ZBTB20: variants seen among roughly 807,000 people sequenced by gnomAD.
ZBTB20 encodes the protein zinc finger and BTB domain containing 20, also known as zinc finger and BTB domain-containing protein 20.
ZBTB20 carries 9 observed loss-of-function variants against 56.9 expected under a neutral mutation model. That is an observed-to-expected ratio of 0.16 (90% CI 0.10 to 0.28). The LOEUF is 0.28. Among genes scored for constraint, ZBTB20 ranks in the 10% least tolerant of loss-of-function variants. The pLI is 1.00. For missense variants in ZBTB20, 655 were observed against 1,003.0 expected (o/e 0.65, Z 4.69); for synonymous variants, 417 against 420.7 (o/e 0.99, Z 0.11).
intron 4 of ZBTB20, among the ~76,000 whole-genome samples, chr3:114,872,159 G>T (rs1318371618): frequency 6.6e-6 from 1 of 152,104 alleles, no homozygotes; most frequent in South Asian, 2.1e-4. Context: ...ATATCCTGTT[G>T]CTTTAAAATT....
intron 4 of ZBTB20, among the ~76,000 whole-genome samples, chr3:114,883,231 T>C (rs1200279680): frequency 6.6e-6 from 1 of 152,232 alleles, no homozygotes; most frequent in Non-Finnish European, 1.5e-5. Flanking sequence ...GTATGTAGAC[T>C]GTAGCCATGT....
At chr3:114,661,362 T>G (rs1477864965) in intron 6 of ZBTB20, among the ~76,000 whole-genome samples, 1 of 152,106 alleles carries the variant, frequency 6.6e-6, no homozygotes, top group Non-Finnish European at 1.5e-5. Flanking sequence ...AGATGTGATT[T>G]TTGGAGATGT....
At chr3:114,511,100 T>TAAAAAA (rs63221060) in intron 6 of ZBTB20, among the ~76,000 whole-genome samples, 1 of 129,350 alleles carries the variant, frequency 7.7e-6, no homozygotes. Context: ...GTCCACATGC[T>TAAAAAA]AAAAAAAAAA....
intron 8 of ZBTB20, chr3:114,388,078 G>A (rs1463495252): frequency 6.6e-6 from 1 of 152,190 alleles, no homozygotes; most frequent in African/African-American, 2.4e-5. Flanking sequence ...AAGCCTAAGA[G>A]GGATGTTAGT....
chr3:114,539,407 T>A (rs182596931), intron 6 of ZBTB20, among the ~76,000 whole-genome samples: 1 of 152,294 alleles, frequency 6.6e-6, no homozygotes, highest in East Asian at 1.9e-4. Flanking sequence ...GACATTTGTA[T>A]AGCAGTGTAA....
chr3:115,047,337 CT>C (rs1405630724), intron 2 of ZBTB20, among the ~76,000 whole-genome samples: 1 of 152,162 alleles, frequency 6.6e-6, no homozygotes, highest in East Asian at 1.9e-4. Context: ...AGACAACATA[CT>C]TGGAACCAGA....
chr3:114,507,457 T>G (rs1156895767), intron 6 of ZBTB20, among the ~76,000 whole-genome samples: 2 of 152,168 alleles, frequency 1.3e-5, no homozygotes, highest in Non-Finnish European at 2.9e-5. Flanking sequence ...CTTTATGGTT[T>G]TTTGACTATA....
At chr3:114,635,110 T>C (rs921153158) in intron 6 of ZBTB20, among the ~76,000 whole-genome samples, 2 of 152,188 alleles carry the variant, frequency 1.3e-5, no homozygotes, top group African/African-American at 4.8e-5. Context: ...GTGCGACCAT[T>C]AGAACTTGGT....
At chr3:114,864,437 T>C (rs1454742018) in intron 4 of ZBTB20, among the ~76,000 whole-genome samples, 5 of 152,040 alleles carry the variant, frequency 3.3e-5, no homozygotes, top group Non-Finnish European at 5.9e-5. Flanking sequence ...TCCCTCCTGG[T>C]CTCCTATTTC....
At chr3:114,503,435 C>T (rs1177109304) in intron 6 of ZBTB20, among the ~76,000 whole-genome samples, 2 of 152,140 alleles carry the variant, frequency 1.3e-5, no homozygotes, top group African/African-American at 2.4e-5. Flanking sequence ...TTATAATCTG[C>T]TATGTAATTC....
chr3:114,542,604 A>T (rs1320664343), intron 6 of ZBTB20, among the ~76,000 whole-genome samples: 1 of 152,188 alleles, frequency 6.6e-6, no homozygotes, highest in African/African-American at 2.4e-5. Flanking sequence ...ATTTGAAAGC[A>T]GCTAAGTTAC....
intron 4 of ZBTB20, among the ~76,000 whole-genome samples, chr3:114,856,968 C>G (rs971134645): frequency 3.9e-5 from 6 of 151,980 alleles, no homozygotes; most frequent in African/African-American, 1.5e-4. Context: ...TAATATCTGC[C>G]CTGAATTTCT....
At chr3:115,025,965 A>G (rs556148745) in intron 2 of ZBTB20, among the ~76,000 whole-genome samples, 39 of 150,994 alleles carry the variant, frequency 2.6e-4, no homozygotes, top group Non-Finnish European at 5.5e-4. Context: ...AATGCCTAAC[A>G]CAAAGTAACT....
chr3:115,140,853 T>A (rs917884295), intron 1 of ZBTB20, among the ~76,000 whole-genome samples: 1 of 152,112 alleles, frequency 6.6e-6, no homozygotes, highest in African/African-American at 2.4e-5. Context: ...ATTGGTACAC[T>A]CAACTCTCTA....
At chr3:114,594,897 A>C (rs993241540) in intron 6 of ZBTB20, among the ~76,000 whole-genome samples, 4 of 152,260 alleles carry the variant, frequency 2.6e-5, no homozygotes, top group African/African-American at 9.6e-5. Flanking sequence ...AGATAGGGGC[A>C]GGAGAGCATT....
At chr3:114,510,204 A>G (rs541514848) in intron 6 of ZBTB20, among the ~76,000 whole-genome samples, 1 of 152,268 alleles carries the variant, frequency 6.6e-6, no homozygotes, top group African/African-American at 2.4e-5. Flanking sequence ...AAAGTACCAG[A>G]TTTGCCAGGT....
At chr3:115,087,195 G>T (rs973757943) in intron 1 of ZBTB20, among the ~76,000 whole-genome samples, 3 of 151,730 alleles carry the variant, frequency 2.0e-5, no homozygotes. Context: ...TTTAGCTTAT[G>T]TTCATTTCAA....
chr3:114,586,989 CTTTTTTTTTT>C (rs1195918426), intron 6 of ZBTB20, among the ~76,000 whole-genome samples: 7 of 76,976 alleles, frequency 9.1e-5, no homozygotes, highest in Admixed American at 7.4e-4. Flanking sequence ...GTATAACTCC[CTTTTTTTTTT>C]TTTTTTTTTT....
At chr3:114,826,499 C>G (rs916408774) in intron 4 of ZBTB20, among the ~76,000 whole-genome samples, 8 of 151,666 alleles carry the variant, frequency 5.3e-5, no homozygotes, top group African/African-American at 1.9e-4. Context: ...ATTCATTCAC[C>G]GAATCCTTCC....
Sources: allele counts gnomAD v4.1 joint callset (sites outside exome capture counted in the v4.1 genomes callset), GRCh38; gene constraint gnomAD v4.1.1; transcripts MANE v1.5; gene names NCBI Gene and HGNC (gene_info 2026-07-23, HGNC 2026-07-21).